Variants in SH3GL3 observed in about 807,000 individuals in gnomAD.
SH3GL3 encodes the protein SH3 domain containing GRB2 like 3, endophilin A3.
A neutral mutation model predicts 47.7 loss-of-function variants in SH3GL3; 33 were observed. That is an observed-to-expected ratio of 0.69 (90% CI 0.52 to 0.92). SH3GL3 has a LOEUF of 0.92. Among genes scored for constraint, SH3GL3 ranks in the 40% least tolerant of loss-of-function variants. The probability of loss-of-function intolerance (pLI) is 0.00; values close to 1 mark genes in which losing one functional copy is unlikely to be tolerated. For missense variants in SH3GL3, 363 were observed against 417.8 expected (o/e 0.87, Z 1.14); for synonymous variants, 155 against 148.8 (o/e 1.04, Z -0.30).
chr15:83,627,159 A>G, the SH3GL3 span, among the ~76,000 whole-genome samples: 18 of 152,150 alleles, frequency 1.2e-4, no homozygotes, highest in Non-Finnish European at 2.2e-4. Flanking sequence ...GCACTTTGGG[A>G]GGCCGAGGCG....
At chr15:83,514,653 A>G (rs2042907323) in intron 1 of SH3GL3, among the ~76,000 whole-genome samples, 1 of 152,190 alleles carries the variant, frequency 6.6e-6, no homozygotes, top group Admixed American at 6.5e-5. Context: ...TGATTGCAAA[A>G]AAGTTGTGTT....
At chr15:83,456,763 C>A (rs1038775544) in intron 1 of SH3GL3, among the ~76,000 whole-genome samples, 2 of 151,460 alleles carry the variant, frequency 1.3e-5, no homozygotes, top group Admixed American at 6.6e-5. Flanking sequence ...AGAAATCACC[C>A]GTCTTCTGCG....
At chr15:83,467,552 G>T (rs1739133676) in intron 1 of SH3GL3, among the ~76,000 whole-genome samples, 1 of 152,142 alleles carries the variant, frequency 6.6e-6, no homozygotes, top group Non-Finnish European at 1.5e-5. Context: ...GAATACTCTT[G>T]TCTATATAAA....
intron 8 of SH3GL3, chr15:83,609,330 T>A (rs186284290): frequency 2.2e-6 from 1 of 455,916 alleles, no homozygotes; most frequent in Non-Finnish European, 4.4e-6. Context: ...GGGAAGGCCA[T>A]TGACAGCAGG....
chr15:83,517,205 C>CTTTTTTTTTTT (rs36096315), intron 1 of SH3GL3, among the ~76,000 whole-genome samples: 1 of 109,680 alleles, frequency 9.1e-6, no homozygotes, highest in African/African-American at 3.4e-5. Context: ...CTTTTCTTTT[C>CTTTTTTTTTTT]TTTTTTTTTT....
At chr15:83,631,815 G>A in the SH3GL3 span, among the ~76,000 whole-genome samples, 2 of 152,204 alleles carry the variant, frequency 1.3e-5, no homozygotes, top group Non-Finnish European at 2.9e-5. Context: ...ATGCCCTGGG[G>A]ACATTTTCCC....
intron 1 of SH3GL3, among the ~76,000 whole-genome samples, chr15:83,479,738 GAGTCCTCGGGGCCATC>G (rs780620103): frequency 6.6e-6 from 1 of 152,178 alleles, no homozygotes; most frequent in Non-Finnish European, 1.5e-5. Context: ...TTGTAGAATT[GAGTCCTCGGGGCCATC>G]AGTGGGGCAC....
At chr15:83,620,765 G>A (rs777083109), downstream of SH3GL3, among the ~76,000 whole-genome samples, 50 of 152,180 alleles carry the variant, frequency 3.3e-4, no homozygotes, top group Non-Finnish European at 4.3e-4. Flanking sequence ...TTGTATTAAC[G>A]CCTAACAGGT....
At chr15:83,591,214 G>A (rs773464295) in intron 8 of SH3GL3, among the ~76,000 whole-genome samples, 1 of 152,052 alleles carries the variant, frequency 6.6e-6, no homozygotes, top group Non-Finnish European at 1.5e-5. Flanking sequence ...CACTGTGTTG[G>A]CCAGGCTGGT....
intron 8 of SH3GL3, among the ~76,000 whole-genome samples, chr15:83,599,969 G>C (rs2060337260): frequency 6.6e-6 from 1 of 151,934 alleles, no homozygotes; most frequent in African/African-American, 2.4e-5. Flanking sequence ...TTTCATGTTT[G>C]TTGGCCATTT....
chr15:83,474,196 C>T (rs2040986485), intron 1 of SH3GL3, among the ~76,000 whole-genome samples: 1 of 152,102 alleles, frequency 6.6e-6, no homozygotes, highest in African/African-American at 2.4e-5. Flanking sequence ...CCTGTTTATC[C>T]CTATGGTATC....
intron 1 of SH3GL3, among the ~76,000 whole-genome samples, chr15:83,468,077 G>A (rs531306299): frequency 9.2e-5 from 14 of 152,230 alleles, no homozygotes; most frequent in African/African-American, 2.9e-4. Context: ...TGATCTGCCC[G>A]CCTTGGCCTC....
intron 6 of SH3GL3, among the ~76,000 whole-genome samples, chr15:83,579,049 A>G (rs2059761802): frequency 6.6e-6 from 1 of 152,194 alleles, no homozygotes; most frequent in East Asian, 1.9e-4. Context: ...CGGCCTTAGC[A>G]GTTGACCCAA....
intron 6 of SH3GL3, among the ~76,000 whole-genome samples, chr15:83,581,639 G>A (rs950831835): frequency 5.3e-5 from 8 of 152,178 alleles, no homozygotes; most frequent in African/African-American, 1.9e-4. Flanking sequence ...GGGCCAAGTG[G>A]GTGCCACTCC....
chr15:83,543,111 G>T (rs1432639215), intron 1 of SH3GL3, among the ~76,000 whole-genome samples: 4 of 151,814 alleles, frequency 2.6e-5, no homozygotes, highest in African/African-American at 9.7e-5. Context: ...ACCAGCTGTG[G>T]GTCTGTTGTA....
chr15:83,571,864 C>A (rs2045834008), intron 4 of SH3GL3, among the ~76,000 whole-genome samples: 1 of 152,162 alleles, frequency 6.6e-6, no homozygotes, highest in South Asian at 2.1e-4. Flanking sequence ...CTAGAGGGCA[C>A]CTGGTTTGCA....
Position 83,541,312 on chromosome 15 carries a change from ATTTTTTTTTTTTTTTTTTT to A in SH3GL3, c.46-17920_46-17902del, listed in dbSNP as rs71156085. The stretch of plus-strand genomic sequence containing the variant: ...GATGGCTGGATCATATGGTAATTCT[ATTTTTTTTTTTTTTTTTTT>A]TTTTTTTTTTTTTTTTTTTTGAGAC... On this transcript the variant is annotated intron_variant, in intron 1 of 8. Coordinates refer to ENST00000427482, the MANE Select transcript of SH3GL3 (RefSeq NM_003027.5). 9.8e-3 allele frequency among the ~76,000 whole-genome samples: 466 copies of A among 47,330 alleles called. 5 individuals are homozygous for A. Among genetic ancestry groups the A allele is most frequent in the African/African-American group, 0.026 (376 of 14,348 alleles). The allele number at this position is 47,330 out of a possible 152,430, so 31.1% of individuals were successfully genotyped here.
intron 1 of SH3GL3, among the ~76,000 whole-genome samples, chr15:83,511,711 CA>C (rs2042759016): frequency 1.3e-5 from 2 of 152,172 alleles, no homozygotes; most frequent in Non-Finnish European, 1.5e-5. Context: ...TCCAGGATCA[CA>C]TTTCCAATTT....
rs571105913 is a variant in SH3GL3 at position 83,501,043 on chromosome 15, T to C, written c.45+53465T>C. Among the ~76,000 whole-genome samples, 191 of 152,366 alleles carry C rather than the reference T, an allele frequency of 1.3e-3. 1 individual carries two copies. The highest frequency in any genetic ancestry group is 4.1e-3 in the African/African-American group (171 of 41,592). On this transcript the variant is annotated intron_variant, in intron 1 of 8. Transcript: ENST00000427482. Reference sequence around the variant, plus strand: ...CTTAGTACTTTTTGGAATTGGCTTATGCTTTTAATGACCTTTAGACCAGAA... The same window carrying C: ...CTTAGTACTTTTTGGAATTGGCTTACGCTTTTAATGACCTTTAGACCAGAA...
Sources: allele counts gnomAD v4.1 joint callset (sites outside exome capture counted in the v4.1 genomes callset), GRCh38; gene constraint gnomAD v4.1.1; transcripts MANE v1.5; gene names NCBI Gene and HGNC (gene_info 2026-07-23, HGNC 2026-07-21).